CDH12: variants seen among roughly 807,000 people sequenced by gnomAD.
The protein encoded by CDH12 is cadherin 12.
Under a neutral mutation model 74.1 loss-of-function variants are expected in CDH12, and 41 were observed. That is an observed-to-expected ratio of 0.55 (90% CI 0.43 to 0.72). The LOEUF is 0.72. Ranked by LOEUF, CDH12 falls within the 30% of genes least tolerant of loss-of-function variation. The pLI is 0.00. For synonymous variants in CDH12, 399 were observed against 355.0 expected (o/e 1.12, Z -1.39); for missense variants, 945 against 977.2 (o/e 0.97, Z 0.44).
chr5:22,564,709 T>C (rs1447915228), intron 1 of CDH12, among the ~76,000 whole-genome samples: 1 of 152,230 alleles, frequency 6.6e-6, no homozygotes, highest in East Asian at 1.9e-4. Flanking sequence ...CTTCTTTATA[T>C]AATGCATTTA....
At chr5:21,948,635 G>C (rs1755686008) in intron 6 of CDH12, among the ~76,000 whole-genome samples, 1 of 152,062 alleles carries the variant, frequency 6.6e-6, no homozygotes, top group East Asian at 1.9e-4. Context: ...AATGATTTAA[G>C]ACTCTGGGGG....
rs374201941 is a variant in CDH12, at chr5:22,482,460, C to T, written c.-428+22810G>A. Among the ~76,000 whole-genome samples, 7 of 152,232 alleles carry T rather than the reference C, an allele frequency of 4.6e-5. No homozygotes were observed. The South Asian group carries it at 8.3e-4, about 18-fold the overall frequency. On this transcript the variant is annotated intron_variant, in intron 2 of 14. Transcript: ENST00000382254. ...TCTACGTACCTTTATGTTGAACAAA[C>T]CTAGCTGAAACCAGAGAAAAACATT...
At chr5:22,412,976 T>G (rs187136844) in intron 2 of CDH12, among the ~76,000 whole-genome samples, 1 of 152,014 alleles carries the variant, frequency 6.6e-6, no homozygotes. Flanking sequence ...CCAGCCTATG[T>G]TACTATGGAA....
intron 1 of CDH12, among the ~76,000 whole-genome samples, chr5:22,694,539 G>T (rs1405619767): frequency 6.6e-6 from 1 of 152,056 alleles, no homozygotes; most frequent in East Asian, 1.9e-4. Flanking sequence ...TTTGTTATGT[G>T]ATTATTCTGT....
At chr5:22,388,339 A>G (rs1381502961) in intron 3 of CDH12, among the ~76,000 whole-genome samples, 3 of 151,998 alleles carry the variant, frequency 2.0e-5, no homozygotes, top group Non-Finnish European at 4.4e-5. Flanking sequence ...ATTAATGTAT[A>G]ATAATATATT....
chr5:22,498,537 C>T (rs1747198342), intron 2 of CDH12, among the ~76,000 whole-genome samples: 1 of 151,824 alleles, frequency 6.6e-6, no homozygotes, highest in Admixed American at 6.6e-5. Context: ...ATGAAAGGGG[C>T]AAAGTGAATT....
In CDH12 at chr5:22,078,830, G is replaced by C; in HGVS notation, c.-154C>G. On this transcript the variant is annotated 5_prime_UTR_variant, in exon 5 of 15. Coordinates refer to ENST00000382254, the MANE Select transcript of CDH12 (RefSeq NM_004061.5). ...AGGCATTAATCCTTTTGATGAAAAG[G>C]CTTCTGCTGTATTATATTCCATCTA... 2 of 1,426,896 alleles carry C rather than the reference G, an allele frequency of 1.4e-6. No homozygotes were observed. Among genetic ancestry groups the C allele is most frequent in the Non-Finnish European group, 1.8e-6 (2 of 1,094,528 alleles). 88.4% of individuals were successfully genotyped at this position (1,426,896 alleles called of 1,614,324 possible). A position where few individuals can be genotyped will look rare whatever the true frequency, so the allele number is the denominator to read the frequency against.
intron 3 of CDH12, among the ~76,000 whole-genome samples, chr5:22,324,776 TTTAAGAATAGAACACAG>T (rs1739016106): frequency 6.6e-6 from 1 of 152,176 alleles, no homozygotes; most frequent in African/African-American, 2.4e-5. Context: ...TGATACGTTC[TTTAAGAATAGAACACAG>T]TAAGTTTCTT....
chr5:22,571,262 G>T (rs1012802092), intron 1 of CDH12, among the ~76,000 whole-genome samples: 1 of 151,854 alleles, frequency 6.6e-6, no homozygotes, highest in Admixed American at 6.6e-5. Flanking sequence ...TAGTGCAAGA[G>T]ATGTAACTTT....
At chr5:22,607,070 A>G (rs1737154034) in intron 1 of CDH12, among the ~76,000 whole-genome samples, 1 of 152,196 alleles carries the variant, frequency 6.6e-6, no homozygotes, top group South Asian at 2.1e-4. Context: ...GAGATAATTT[A>G]GTGTATCTGA....
At chr5:22,253,568 T>C (rs1471296055) in intron 3 of CDH12, among the ~76,000 whole-genome samples, 1 of 151,968 alleles carries the variant, frequency 6.6e-6, no homozygotes, top group African/African-American at 2.4e-5. Flanking sequence ...ATTTTATTCA[T>C]ATAGTCCCTA....
intron 3 of CDH12, among the ~76,000 whole-genome samples, chr5:22,295,228 T>C (rs1737569914): frequency 6.6e-6 from 1 of 152,192 alleles, no homozygotes; most frequent in African/African-American, 2.4e-5. Context: ...TTTTCTTTTT[T>C]TTAATGAGTA....
intron 5 of CDH12, among the ~76,000 whole-genome samples, chr5:21,988,295 C>T (rs1485387284): frequency 6.6e-6 from 1 of 151,800 alleles, no homozygotes; most frequent in Admixed American, 6.6e-5. Context: ...AGTTGGAGAC[C>T]AACCTGGCCA....
At chr5:22,812,043 G>C (rs1279587181) in intron 1 of CDH12, among the ~76,000 whole-genome samples, 2 of 151,986 alleles carry the variant, frequency 1.3e-5, no homozygotes, top group African/African-American at 4.8e-5. Flanking sequence ...TTATTGGGCT[G>C]GATTTTAAAG....
At chr5:22,368,379 G>A (rs1310667576) in intron 3 of CDH12, among the ~76,000 whole-genome samples, 1 of 151,748 alleles carries the variant, frequency 6.6e-6, no homozygotes, top group Non-Finnish European at 1.5e-5. Context: ...GCTCACTGCA[G>A]CCTCAACCTA....
intron 1 of CDH12, among the ~76,000 whole-genome samples, chr5:22,644,522 A>C (rs867787939): frequency 6.6e-6 from 1 of 152,014 alleles, no homozygotes; most frequent in Non-Finnish European, 1.5e-5. Context: ...CAGATAAATA[A>C]AAATTTTTAA....
At chr5:22,367,372 T>A (rs1333269692) in intron 3 of CDH12, among the ~76,000 whole-genome samples, 1 of 152,238 alleles carries the variant, frequency 6.6e-6, no homozygotes, top group Non-Finnish European at 1.5e-5. Flanking sequence ...GATGTCTGCA[T>A]GAGATTTTTA....
At chr5:22,259,237 A>G (rs552512562) in intron 3 of CDH12, among the ~76,000 whole-genome samples, 1 of 152,240 alleles carries the variant, frequency 6.6e-6, no homozygotes, top group East Asian at 1.9e-4. Context: ...TTGATCCTCA[A>G]TGGTCTAAAA....
chr5:22,841,410 C>G (rs1737076136), intron 1 of CDH12, among the ~76,000 whole-genome samples: 1 of 152,022 alleles, frequency 6.6e-6, no homozygotes. Context: ...GAGTGAAGAC[C>G]TATAATTCAT....
Sources: allele counts gnomAD v4.1 joint callset (sites outside exome capture counted in the v4.1 genomes callset), GRCh38; gene constraint gnomAD v4.1.1; transcripts MANE v1.5; gene names NCBI Gene and HGNC (gene_info 2026-07-23, HGNC 2026-07-21).